BCAS4: variants seen among roughly 807,000 people sequenced by gnomAD.
BCAS4 encodes the protein breast carcinoma amplified sequence 4.
A neutral mutation model predicts 15.7 loss-of-function variants in BCAS4; 9 were observed. That is an observed-to-expected ratio of 0.57 (90% CI 0.34 to 1.00). The LOEUF is 1.00. Among genes scored for constraint, BCAS4 ranks in the 50% least tolerant of loss-of-function variants. BCAS4 has a pLI of 0.02. For missense variants in BCAS4, 225 were observed against 239.1 expected (o/e 0.94, Z 0.39); for synonymous variants, 101 against 99.5 (o/e 1.02, Z -0.09).
At chr20:50,853,680 TG>T (rs1182323331) in intron 4 of BCAS4, among the ~76,000 whole-genome samples, 4 of 126,370 alleles carry the variant, frequency 3.2e-5, no homozygotes, top group South Asian at 2.7e-4. Flanking sequence ...TTTTGTGTAC[TG>T]GGGGGTGTTT....
At chr20:50,866,128 C>T (rs550989664) in intron 4 of BCAS4, among the ~76,000 whole-genome samples, 2 of 152,298 alleles carry the variant, frequency 1.3e-5, no homozygotes, top group African/African-American at 4.8e-5. Flanking sequence ...TCTCCAAGCC[C>T]GCTTTCTCAT....
intron 1 of BCAS4, among the ~76,000 whole-genome samples, chr20:50,814,965 AAG>A (rs1182479474): frequency 6.6e-6 from 1 of 152,140 alleles, no homozygotes; most frequent in Non-Finnish European, 1.5e-5. Context: ...AATACAAAAA[AAG>A]AGAGAAAGCG....
chr20:50,848,361 T>C (rs1202306375), intron 4 of BCAS4, among the ~76,000 whole-genome samples: 1 of 151,908 alleles, frequency 6.6e-6, no homozygotes, highest in Non-Finnish European at 1.5e-5. Flanking sequence ...GATGAGTAAG[T>C]GTGGGTGTGG....
At chr20:50,832,799 G>T (rs2088360373) in intron 3 of BCAS4, 1 of 152,284 alleles carries the variant, frequency 6.6e-6, no homozygotes, top group South Asian at 2.1e-4. Flanking sequence ...TCTGTTGCTG[G>T]CCCTCCTGCC....
intron 3 of BCAS4, among the ~76,000 whole-genome samples, chr20:50,832,141 T>C (rs1026075215): frequency 1.3e-5 from 2 of 152,078 alleles, no homozygotes; most frequent in Non-Finnish European, 2.9e-5. Flanking sequence ...ATCAGCCTCC[T>C]ATCGCTGCTG....
At chr20:50,864,071 C>T (rs1979232130) in intron 4 of BCAS4, among the ~76,000 whole-genome samples, 2 of 152,200 alleles carry the variant, frequency 1.3e-5, no homozygotes, top group South Asian at 2.1e-4. Context: ...GCGCCTTCCT[C>T]GAGTCATCCT....
intron 3 of BCAS4, among the ~76,000 whole-genome samples, chr20:50,835,645 C>A (rs1262453244): frequency 1.3e-5 from 2 of 152,264 alleles, no homozygotes; most frequent in East Asian, 3.9e-4. Flanking sequence ...TCTCCCCATT[C>A]CTTTCTGGGA....
At chr20:50,797,687 CAG>C (rs1222040662) in intron 1 of BCAS4, among the ~76,000 whole-genome samples, 1 of 152,062 alleles carries the variant, frequency 6.6e-6, no homozygotes, top group Admixed American at 6.6e-5. Flanking sequence ...GTTTTTGAGA[CAG>C]AGTTTCACTC....
intron 4 of BCAS4, among the ~76,000 whole-genome samples, chr20:50,875,474 A>T (rs1979876017): frequency 6.6e-6 from 1 of 152,040 alleles, no homozygotes; most frequent in Non-Finnish European, 1.5e-5. Flanking sequence ...TGGAAGAAAA[A>T]TCAGTCCTGG....
chr20:50,828,975 C>G (rs983095714), intron 2 of BCAS4, among the ~76,000 whole-genome samples: 4 of 152,146 alleles, frequency 2.6e-5, no homozygotes, highest in African/African-American at 9.7e-5. Context: ...CACCACTGTC[C>G]CAGTGAGCAA....
intron 2 of BCAS4, among the ~76,000 whole-genome samples, chr20:50,820,663 G>A (rs963777489): frequency 1.3e-5 from 2 of 152,178 alleles, no homozygotes; most frequent in African/African-American, 4.8e-5. Context: ...GCTGGGGGCA[G>A]AAGTCCATGT....
At chr20:50,811,949 G>C (rs2088069469) in intron 1 of BCAS4, among the ~76,000 whole-genome samples, 2 of 152,150 alleles carry the variant, frequency 1.3e-5, no homozygotes, top group African/African-American at 2.4e-5. Flanking sequence ...GTGGAATCAT[G>C]TCATGCGTGA....
At chr20:50,831,833 C>T (rs1486403004) in intron 3 of BCAS4, among the ~76,000 whole-genome samples, 1 of 152,158 alleles carries the variant, frequency 6.6e-6, no homozygotes, top group Admixed American at 6.5e-5. Flanking sequence ...AACGTGAGCC[C>T]CTCCCAAGCT....
intron 3 of BCAS4, among the ~76,000 whole-genome samples, chr20:50,839,755 C>G (rs1394543749): frequency 6.6e-6 from 1 of 152,100 alleles, no homozygotes; most frequent in Non-Finnish European, 1.5e-5. Context: ...ATCAGCCTGC[C>G]TTGGCCTCCC....
intron 2 of BCAS4, among the ~76,000 whole-genome samples, chr20:50,819,370 G>T (rs1480450618): frequency 6.6e-6 from 1 of 152,058 alleles, no homozygotes; most frequent in African/African-American, 2.4e-5. Context: ...GCTCCATATT[G>T]TGACCAGGCC....
intron 2 of BCAS4, among the ~76,000 whole-genome samples, chr20:50,825,399 G>T (rs547248815): frequency 3.9e-5 from 6 of 152,202 alleles, no homozygotes; most frequent in African/African-American, 7.2e-5. Flanking sequence ...TTCTTTTATG[G>T]TTCCCAGCCC....
intron 3 of BCAS4, chr20:50,840,614 A>T (rs1046710486): frequency 6.3e-7 from 1 of 1,597,336 alleles, no homozygotes; most frequent in African/African-American, 1.3e-5. Context: ...CACACGCCTC[A>T]TTACGATTCG....
At chr20:50,853,566 G>T (rs865963115) in intron 4 of BCAS4, among the ~76,000 whole-genome samples, 2 of 152,172 alleles carry the variant, frequency 1.3e-5, no homozygotes, top group Non-Finnish European at 2.9e-5. Context: ...TCCAGTTCCT[G>T]TAGCATTTGG....
At position 50,827,302 on chromosome 20, in the gene BCAS4, G is replaced by C. The variant is rs1199919719; in HGVS notation, c.163-2977G>C. On this transcript the variant is annotated intron_variant, in intron 2 of 4. Coordinates refer to ENST00000371608, the MANE Select transcript of BCAS4 (RefSeq NM_198799.4). The stretch of plus-strand genomic sequence containing the variant: ...TTTTGTGATGTTTTTCATGTGGTTA[G>C]ACTGGAGATAGGAATTTATGGAACG... 3.9e-5 allele frequency among the ~76,000 whole-genome samples: 6 copies of C among 152,320 alleles called. No individual in the cohort carries two copies. The East Asian group carries it at 1.2e-3, about 29-fold the overall frequency.
Sources: allele counts gnomAD v4.1 joint callset (sites outside exome capture counted in the v4.1 genomes callset), GRCh38; gene constraint gnomAD v4.1.1; transcripts MANE v1.5; gene names NCBI Gene and HGNC (gene_info 2026-07-23, HGNC 2026-07-21).